The following TIPARP variants were observed in gnomAD, a reference collection of about 807,000 sequenced individuals.
TIPARP encodes TCDD inducible poly(ADP-ribose) polymerase.
TIPARP carries 12 observed loss-of-function variants against 56.5 expected under a neutral mutation model. The observed-to-expected ratio is 0.21, with a 90% CI of 0.14 to 0.34. The LOEUF is 0.34. TIPARP is among the 10% of genes least tolerant of loss of function. The pLI, the probability that TIPARP is intolerant of heterozygous loss-of-function variation, is 1.00. For synonymous variants in TIPARP, 296 were observed against 265.7 expected, an observed-to-expected ratio of 1.11 and a Z score of -1.11; for missense variants, 604 against 781.6, an observed-to-expected ratio of 0.77 and a Z score of 2.71.
At chr3:156,682,218 C>CA (rs1215751718) in intron 2 of TIPARP, among the ~76,000 whole-genome samples, 1 of 152,198 alleles carries the variant, frequency 6.6e-6, no homozygotes, top group Non-Finnish European at 1.5e-5. Context: ...TGCAGGTGCA[C>CA]ATGTGACCAA....
chr3:156,688,391 A>G (rs1157424246), intron 2 of TIPARP, among the ~76,000 whole-genome samples: 1 of 135,372 alleles, frequency 7.4e-6, no homozygotes, highest in Non-Finnish European at 1.7e-5. Context: ...AAAAAAAAAA[A>G]AAAAAACTGA....
intron 4 of TIPARP, among the ~76,000 whole-genome samples, chr3:156,697,618 C>T (rs951286135): frequency 6.6e-6 from 1 of 152,118 alleles, no homozygotes; most frequent in African/African-American, 2.4e-5. Flanking sequence ...AGCACTAGGT[C>T]AAGCCAAATC....
At chr3:156,702,067 TGGTG>T (rs1559977203) in intron 4 of TIPARP, among the ~76,000 whole-genome samples, 9 of 124,278 alleles carry the variant, frequency 7.2e-5, no homozygotes, top group South Asian at 4.9e-4. Flanking sequence ...GTGGTGGTGG[TGGTG>T]GTTGTGGTGG....
rs140235972 is a variant in TIPARP at position 156,678,104 on chromosome 3, C to G, written c.407C>G (p.Pro136Arg). ...PSTEAPERVVPIQDHSFPSET... is the reference protein window; with the variant it reads ...PSTEAPERVVRIQDHSFPSET... ...ACTGAAGCTCCAGAACGAGTGGTTC[C>G]AATCCAAGATCACAGCTTTCCATCA... Residue 136 changes from proline to arginine, a missense_variant, in exon 2 of 6, where the codon CCA becomes CGA. By Grantham distance (103) the Pro-to-Arg change is moderately radical (BLOSUM62 -2). Around this residue, in one of 4 missense-constraint regions of TIPARP, gnomAD observed 261 missense variants for 279.2 expected, o/e 0.93. Coordinates refer to ENST00000295924, the MANE Select transcript of TIPARP (RefSeq NM_015508.5). The G allele has an allele frequency of 9.7e-5, 157 of 1,613,978 alleles. No individual in the cohort carries two copies. The highest frequency in any genetic ancestry group is 1.2e-4 in the Non-Finnish European group (144 of 1,180,050).
At chr3:156,691,235 C>T (rs2108492874) in intron 2 of TIPARP, among the ~76,000 whole-genome samples, 1 of 152,298 alleles carries the variant, frequency 6.6e-6, no homozygotes, top group Middle Eastern at 3.4e-3. Context: ...TAAACTGCTT[C>T]TAAGATTCTT....
chr3:156,688,054 A>AT (rs1722473043), intron 2 of TIPARP, among the ~76,000 whole-genome samples: 1 of 152,298 alleles, frequency 6.6e-6, no homozygotes, highest in African/African-American at 2.4e-5. Flanking sequence ...TTTTATGTTA[A>AT]TAGTTTTACA....
intron 4 of TIPARP, among the ~76,000 whole-genome samples, chr3:156,701,939 G>T (rs1054519332): frequency 3.7e-4 from 57 of 152,040 alleles, no homozygotes; most frequent in African/African-American, 1.3e-3. Flanking sequence ...AGAAGGTGGG[G>T]GTTAGAGACG....
At chr3:156,677,278 G>A (rs1197965695) in intron 1 of TIPARP, among the ~76,000 whole-genome samples, 4 of 152,154 alleles carry the variant, frequency 2.6e-5, no homozygotes, top group African/African-American at 7.2e-5. Flanking sequence ...GCAAAGCTGA[G>A]TGGAAATGTG....
intron 2 of TIPARP, chr3:156,681,100 A>G (rs1000201034): frequency 2.0e-5 from 9 of 455,546 alleles, no homozygotes; most frequent in African/African-American, 1.8e-4. Flanking sequence ...CTTGTATTCC[A>G]AAGCGATGTT....
rs868326404 is a variant in TIPARP at position 156,706,341 on chromosome 3, C to A, written c.*1210C>A. 9 of 152,624 alleles carry A rather than the reference C, an allele frequency of 5.9e-5. No individual in the cohort carries two copies. The highest frequency in any genetic ancestry group is 2.2e-4 in the African/African-American group (9 of 41,452). 9.5% of individuals were successfully genotyped at this position (152,624 alleles called of 1,614,324 possible). A position where few individuals can be genotyped will look rare whatever the true frequency, so the allele number is the denominator to read the frequency against. ...GAAAGTAGTTGTTCACAAAAGAATTCGCCATGGAATTCTTTCAGTTACCAA... is the reference window on the plus strand; with the variant it reads ...GAAAGTAGTTGTTCACAAAAGAATTAGCCATGGAATTCTTTCAGTTACCAA... On this transcript the variant is annotated 3_prime_UTR_variant, in exon 6 of 6. Transcript: ENST00000295924.
chr3:156,678,401 A>AC lies in TIPARP; in HGVS notation c.706dup (p.Gln236ProfsTer6). On this transcript the variant is annotated frameshift_variant, in exon 2 of 6. Transcript: ENST00000295924. LOFTEE classifies it high-confidence loss of function. ...GTGAACCAGTTGCAGTACCACACTCACCAAGAGAACGGAATTGAAATTTGC... is the reference window on the plus strand; with the variant it reads ...GTGAACCAGTTGCAGTACCACACTCACCCAAGAGAACGGAATTGAAATTTGC... 6.2e-7 allele frequency: 1 copy of AC among 1,614,184 alleles called. No individual in the cohort carries two copies. The highest frequency in any genetic ancestry group is 8.5e-7 in the Non-Finnish European group (1 of 1,180,016).
chr3:156,677,575 C>G, intron 1 of TIPARP, 82 bp from the exon 2 acceptor site: 2 of 984,744 alleles, frequency 2.0e-6, no homozygotes, highest in Non-Finnish European at 2.9e-6. Flanking sequence ...TCAGTCAGGA[C>G]AAAAACAAAA....
chr3:156,695,876 A>G lies in TIPARP; in HGVS notation c.1098A>G (p.Arg366=). ...TTTCTCCTCCATAGTCTGTCATTCG[A>G]TTGATTGAAGAAGCCAACTCTCGGG... ...GWREYPESVI[R]LIEEANSRGL... is the part of the protein sequence containing the mutation. The change falls in exon 4 of 6, where the codon CGA becomes CGG. Residue 366 remains arginine (R), a synonymous_variant. Coordinates refer to ENST00000295924, the MANE Select transcript of TIPARP (RefSeq NM_015508.5). 7.0e-7 allele frequency: 1 copy of G among 1,438,564 alleles called. No individual in the cohort carries two copies. The highest frequency in any genetic ancestry group is 9.1e-7 in the Non-Finnish European group (1 of 1,096,014). The allele number at this position is 1,438,564 out of a possible 1,614,324, so 89.1% of individuals were successfully genotyped here.
intron 2 of TIPARP, among the ~76,000 whole-genome samples, chr3:156,686,859 A>G (rs1013578157): frequency 6.6e-6 from 1 of 152,098 alleles, no homozygotes; most frequent in African/African-American, 2.4e-5. Flanking sequence ...ATAGTATTAT[A>G]TTTATGTAGA....
At chr3:156,694,345 C>T (rs1722656058) in intron 3 of TIPARP, among the ~76,000 whole-genome samples, 157 bp downstream of exon 3, 1 of 152,106 alleles carries the variant, frequency 6.6e-6, no homozygotes, top group South Asian at 2.1e-4. Flanking sequence ...TACAAGAAAA[C>T]TTTTCTCTTT....
At chr3:156,677,340 A>T (rs1722157758) in intron 1 of TIPARP, among the ~76,000 whole-genome samples, 1 of 152,092 alleles carries the variant, frequency 6.6e-6, no homozygotes, top group African/African-American at 2.4e-5. Context: ...CCCATTTCCC[A>T]CCCCACTCTA....
chr3:156,704,629 G>A, intron 5 of TIPARP, 55 bp from the exon 6 acceptor site: 1 of 1,545,518 alleles, frequency 6.5e-7, no homozygotes. Flanking sequence ...CATCATGCCT[G>A]TTAAATTGAC....
At chr3:156,679,774 T>C (rs956458137) in intron 2 of TIPARP, among the ~76,000 whole-genome samples, 1 of 152,218 alleles carries the variant, frequency 6.6e-6, no homozygotes, top group Non-Finnish European at 1.5e-5. Flanking sequence ...TTCACAGATA[T>C]GTTGATTTAC....
chr3:156,695,204 T>G (rs1250964396), intron 3 of TIPARP, among the ~76,000 whole-genome samples: 2 of 150,416 alleles, frequency 1.3e-5, no homozygotes, highest in African/African-American at 4.9e-5. Context: ...TTTTCAAATT[T>G]TATTTATTTA....
Sources: gnomAD v4.1 joint callset for allele counts (sites outside exome capture counted in the v4.1 genomes callset) on GRCh38, gnomAD v4.1.1 for gene constraint, gnomAD v4.1.1 regional missense constraint, MANE v1.5 for transcripts, NCBI Gene and HGNC (gene_info 2026-07-23, HGNC 2026-07-21) for gene names.